Variants in KCNH5 observed in about 807,000 individuals in gnomAD.
KCNH5 encodes potassium voltage-gated channel subfamily H member 5.
KCNH5 carries 46 observed loss-of-function variants against 96.1 expected under a neutral mutation model. The observed-to-expected ratio is 0.48, with a 90% CI of 0.38 to 0.61. The LOEUF (loss-of-function observed/expected upper bound fraction) is 0.61. Ranked by LOEUF, KCNH5 falls within the 20% of genes least tolerant of loss-of-function variation. The pLI is 0.00. For synonymous variants in KCNH5, 439 were observed against 449.8 expected (o/e 0.98, Z 0.30); for missense variants, 907 against 1,225.8 (o/e 0.74, Z 3.88).
intron 10 of KCNH5, among the ~76,000 whole-genome samples, chr14:62,739,755 T>C (rs187074983): frequency 6.6e-6 from 1 of 152,294 alleles, no homozygotes; most frequent in Admixed American, 6.5e-5. Flanking sequence ...CCCAGAGCTA[T>C]GGCAGGGATT....
At chr14:62,838,127 A>C (rs985270939) in intron 8 of KCNH5, among the ~76,000 whole-genome samples, 2 of 152,200 alleles carry the variant, frequency 1.3e-5, no homozygotes, top group Non-Finnish European at 2.9e-5. Context: ...AACTCTTTCG[A>C]AACATGCATT....
intron 8 of KCNH5, among the ~76,000 whole-genome samples, chr14:62,847,756 G>C (rs1166877295): frequency 2.6e-5 from 4 of 151,800 alleles, no homozygotes; most frequent in Admixed American, 2.6e-4. Flanking sequence ...CATTTTCCTT[G>C]GCTACTTTGC....
At chr14:62,904,882 T>C (rs1160632273) in intron 7 of KCNH5, among the ~76,000 whole-genome samples, 1 of 152,240 alleles carries the variant, frequency 6.6e-6, no homozygotes, top group East Asian at 1.9e-4. Context: ...GGGTCAAATG[T>C]TCAAGCTTTG....
intron 7 of KCNH5, among the ~76,000 whole-genome samples, chr14:62,900,318 T>A (rs915128691): frequency 5.3e-5 from 8 of 152,220 alleles, no homozygotes; most frequent in Non-Finnish European, 1.0e-4. Flanking sequence ...AGAGTTGGAA[T>A]TTGTATGTGG....
chr14:62,779,891 T>C lies in KCNH5; in HGVS notation c.1856A>G (p.Lys619Arg), dbSNP rs764530629. The C allele has an allele frequency of 1.9e-6, 3 of 1,613,636 alleles. No homozygotes were observed. In the Admixed American group the frequency reaches 5.0e-5, roughly 27 times the overall value. The change falls in exon 10 of 11, where the codon AAG becomes AGG. Residue 619 changes from lysine to arginine, a missense_variant. By Grantham distance (26) the Lys-to-Arg change is conservative. Around this residue, in one of 6 missense-constraint regions of KCNH5, gnomAD observed 57 missense variants for 76.0 expected, o/e 0.75. Coordinates refer to ENST00000322893, the MANE Select transcript of KCNH5 (RefSeq NM_139318.5). ...KGDVFGDIFW[K>R]ETTLAHACAN... The stretch of plus-strand genomic sequence containing the variant: ...ACATGCATGGGCAAGGGTGGTTTCC[T>C]TCCAGAAGATGTCTCCAAATACATC...
At chr14:62,810,013 T>C (rs1466227519) in intron 8 of KCNH5, among the ~76,000 whole-genome samples, 1 of 152,112 alleles carries the variant, frequency 6.6e-6, no homozygotes, top group Non-Finnish European at 1.5e-5. Context: ...AGTTGCCTAG[T>C]TCATGAAAAG....
Position 62,779,357 on chromosome 14 carries a change from GTTGA to G in KCNH5, c.2019+367_2019+370del, listed in dbSNP as rs529325924. 2.0e-4 allele frequency among the ~76,000 whole-genome samples: 30 copies of G among 152,184 alleles called. No individual in the cohort carries two copies. In the South Asian group the frequency reaches 5.8e-3, roughly 29 times the overall value. Reference sequence around the variant, plus strand: ...CTGAGAATGTAAAACAGGCACCCAGGTTGATTAACTTTACCAGCTTTAAAAAAAT... The same window carrying G: ...CTGAGAATGTAAAACAGGCACCCAGGTTAACTTTACCAGCTTTAAAAAAAT... On this transcript the variant is annotated intron_variant, in intron 10 of 10. Transcript: ENST00000322893.
At chr14:62,842,621 C>G (rs1887609017) in intron 8 of KCNH5, among the ~76,000 whole-genome samples, 1 of 152,190 alleles carries the variant, frequency 6.6e-6, no homozygotes, top group African/African-American at 2.4e-5. Flanking sequence ...AATAGCGTCT[C>G]TTGCTCAACA....
chr14:63,042,314 C>G (rs1410403442), intron 1 of KCNH5, among the ~76,000 whole-genome samples: 2 of 151,998 alleles, frequency 1.3e-5, no homozygotes, highest in South Asian at 2.1e-4. Context: ...GGATATTCCT[C>G]TTTTCAGTTT....
intron 7 of KCNH5, among the ~76,000 whole-genome samples, chr14:62,871,434 T>G (rs574321554): frequency 9.1e-4 from 138 of 152,198 alleles, no homozygotes; most frequent in Non-Finnish European, 1.6e-3. Flanking sequence ...AAATTTGTAT[T>G]AAGCTATATC....
At chr14:62,928,817 T>C (rs1456919611) in intron 7 of KCNH5, among the ~76,000 whole-genome samples, 1 of 152,070 alleles carries the variant, frequency 6.6e-6, no homozygotes, top group Non-Finnish European at 1.5e-5. Context: ...TTTTTGCTGG[T>C]TTCACCTCAT....
chr14:62,717,524 A>C (rs1884710649), intron 10 of KCNH5, among the ~76,000 whole-genome samples: 1 of 152,230 alleles, frequency 6.6e-6, no homozygotes, highest in Non-Finnish European at 1.5e-5. Context: ...TGTCAAAGCA[A>C]TTCAATGATG....
rs1375126357 is a variant in KCNH5 at position 62,970,060 on chromosome 14, A to AG, written c.942+10811_942+10812insC. ...GACTCCGTCTAAAAAAAAAAAAAAA[A>AG]AAAAAAAAAAATTAAATCAATAAGC... On this transcript the variant is annotated intron_variant, in intron 6 of 10. Coordinates refer to ENST00000322893, the MANE Select transcript of KCNH5 (RefSeq NM_139318.5). 8.0e-5 allele frequency among the ~76,000 whole-genome samples: 12 copies of AG among 149,968 alleles called. 1 individual carries two copies. The South Asian group carries it at 1.7e-3, about 21-fold the overall frequency.
chr14:62,722,728 A>G (rs1350685427), intron 10 of KCNH5, among the ~76,000 whole-genome samples: 1 of 152,174 alleles, frequency 6.6e-6, no homozygotes, highest in Non-Finnish European at 1.5e-5. Flanking sequence ...CAAACGTAAT[A>G]CACTTTATAA....
rs113302212 is a variant in KCNH5 at position 62,782,917 on chromosome 14, C to T, written c.1823-2993G>A. On this transcript the variant is annotated intron_variant, in intron 9 of 10. Coordinates refer to ENST00000322893, the MANE Select transcript of KCNH5 (RefSeq NM_139318.5). ...CAGATGAATTTCAGAAATCTGTACA[C>T]GGTATTCTCTTCAAACTAGTAATCC... is the stretch of plus-strand genomic sequence containing the variant. Among the ~76,000 whole-genome samples, 333 of 152,278 alleles carry T rather than the reference C, an allele frequency of 2.2e-3. 1 individual carries two copies. Among genetic ancestry groups the T allele is most frequent in the African/African-American group, 7.3e-3 (304 of 41,552 alleles).
intron 1 of KCNH5, among the ~76,000 whole-genome samples, chr14:63,026,202 T>C (rs140310590): frequency 1.0e-3 from 158 of 152,056 alleles, no homozygotes; most frequent in East Asian, 7.1e-3. Context: ...ACACCATATA[T>C]ACAAATTAAC....
intron 10 of KCNH5, among the ~76,000 whole-genome samples, chr14:62,752,361 T>C (rs1885520112): frequency 6.6e-6 from 1 of 152,002 alleles, no homozygotes; most frequent in African/African-American, 2.4e-5. Flanking sequence ...GCAGCTTATG[T>C]ACCAGCTTGA....
intron 9 of KCNH5, among the ~76,000 whole-genome samples, chr14:62,787,855 T>A (rs1169747127): frequency 1.3e-5 from 2 of 152,176 alleles, no homozygotes; most frequent in Non-Finnish European, 2.9e-5. Flanking sequence ...GACCAACTGC[T>A]CAGAAAAAAA....
At chr14:63,026,240 A>G (rs545336641) in intron 1 of KCNH5, among the ~76,000 whole-genome samples, 1 of 152,236 alleles carries the variant, frequency 6.6e-6, no homozygotes, top group African/African-American at 2.4e-5. Flanking sequence ...CTTCAACATC[A>G]AACCTGAAAC....
Sources: allele counts gnomAD v4.1 joint callset (sites outside exome capture counted in the v4.1 genomes callset), GRCh38; gene constraint gnomAD v4.1.1; regional missense constraint gnomAD v4.1.1; transcripts MANE v1.5; gene names NCBI Gene and HGNC (gene_info 2026-07-23, HGNC 2026-07-21).